Variants in SPOCK3 observed in about 807,000 individuals in gnomAD.
SPOCK3 encodes testican-3.
In SPOCK3, 30 loss-of-function variants were observed where a neutral mutation model predicts 56.6. That is an observed-to-expected ratio of 0.53 (90% CI 0.40 to 0.72). The LOEUF (loss-of-function observed/expected upper bound fraction) is 0.72. Among genes scored for constraint, SPOCK3 ranks in the 30% least tolerant of loss-of-function variants. The probability of loss-of-function intolerance (pLI) is 0.00; values close to 1 mark genes in which losing one functional copy is unlikely to be tolerated. For missense variants in SPOCK3, 527 were observed against 530.0 expected, an observed-to-expected ratio of 0.99 and a Z score of 0.06; for synonymous variants, 196 against 183.3, an observed-to-expected ratio of 1.07 and a Z score of -0.56.
chr4:167,050,917 T>C (rs1164510897), intron 3 of SPOCK3, among the ~76,000 whole-genome samples: 1 of 152,100 alleles, frequency 6.6e-6, no homozygotes, highest in East Asian at 1.9e-4. Flanking sequence ...AGAGTTATTG[T>C]CTAATGCATG....
At chr4:166,842,389 T>C (rs1747526837) in intron 6 of SPOCK3, among the ~76,000 whole-genome samples, 5 of 152,174 alleles carry the variant, frequency 3.3e-5, no homozygotes, top group Admixed American at 3.3e-4. Context: ...TTGGTGCATT[T>C]ACAATCCCTA....
rs143966219 is a variant in SPOCK3, at chr4:166,819,207, G to T, written c.590-26918C>A. Among the ~76,000 whole-genome samples, 568 of 152,120 alleles carry T rather than the reference G, an allele frequency of 3.7e-3. 2 individuals are homozygous for T. The highest frequency in any genetic ancestry group is 0.013 in the African/African-American group (540 of 41,548). On this transcript the variant is annotated intron_variant, in intron 6 of 10. Transcript: ENST00000357545. ...GAAAAATGCTCAAAAAACTAGGAAT[G>T]AGAGGGAGCTTCCTCAATCTGACAA... is the stretch of plus-strand genomic sequence containing the variant.
intron 6 of SPOCK3, chr4:166,882,888 T>C (rs1733818230): frequency 6.6e-6 from 1 of 152,216 alleles, no homozygotes; most frequent in African/African-American, 2.4e-5. Flanking sequence ...TTAATTTTTA[T>C]TATAAATAAT....
intron 7 of SPOCK3, among the ~76,000 whole-genome samples, chr4:166,778,806 G>T (rs1390289677): frequency 6.6e-6 from 1 of 151,910 alleles, no homozygotes; most frequent in East Asian, 1.9e-4. Flanking sequence ...GAGGAAGGAG[G>T]TTATGTGTAG....
chr4:166,889,567 G>A (rs375937252), intron 5 of SPOCK3, among the ~76,000 whole-genome samples: 65 of 151,974 alleles, frequency 4.3e-4, no homozygotes, highest in African/African-American at 1.4e-3. Context: ...ATGGAGAGAC[G>A]CATGACATAG....
intron 2 of SPOCK3, among the ~76,000 whole-genome samples, chr4:167,168,833 T>C (rs997655119): frequency 6.6e-6 from 1 of 151,832 alleles, no homozygotes; most frequent in African/African-American, 2.4e-5. Flanking sequence ...CCCAGAGGCA[T>C]AGGAGAAAAA....
At chr4:166,932,600 GT>G (rs1451503386) in intron 4 of SPOCK3, among the ~76,000 whole-genome samples, 6 of 152,056 alleles carry the variant, frequency 3.9e-5, no homozygotes, top group Non-Finnish European at 7.4e-5. Context: ...GGAGATTTTT[GT>G]TGCTAAAAAT....
At chr4:166,879,606 T>G (rs1733479489) in intron 6 of SPOCK3, among the ~76,000 whole-genome samples, 1 of 152,206 alleles carries the variant, frequency 6.6e-6, no homozygotes, top group African/African-American at 2.4e-5. Context: ...AGATAAATGT[T>G]ATTTTCACCA....
intron 2 of SPOCK3, among the ~76,000 whole-genome samples, chr4:167,143,254 T>C (rs1006797627): frequency 6.6e-6 from 1 of 151,956 alleles, no homozygotes; most frequent in East Asian, 1.9e-4. Flanking sequence ...ATAGGCAAAC[T>C]GAAAGAGGTG....
chr4:166,898,301 G>A (rs1007702562), intron 5 of SPOCK3, among the ~76,000 whole-genome samples: 5 of 152,120 alleles, frequency 3.3e-5, no homozygotes, highest in African/African-American at 1.2e-4. Flanking sequence ...CTGGGCAGGG[G>A]GAGGAAGGGT....
At chr4:166,741,905 C>A in intron 9 of SPOCK3, 92 bp downstream of exon 9, 2 of 939,956 alleles carry the variant, frequency 2.1e-6, no homozygotes, top group Admixed American at 2.1e-5. Flanking sequence ...TGCAGTCTAT[C>A]TTTGTTGGAT....
chr4:166,913,620 T>C (rs1354776623), intron 4 of SPOCK3, among the ~76,000 whole-genome samples: 1 of 152,216 alleles, frequency 6.6e-6, no homozygotes, highest in Non-Finnish European at 1.5e-5. Context: ...TTTTTGCTTT[T>C]TGTTTTCTTT....
chr4:167,071,960 T>C (rs920195976), intron 2 of SPOCK3, among the ~76,000 whole-genome samples: 2 of 152,064 alleles, frequency 1.3e-5, no homozygotes, highest in African/African-American at 4.8e-5. Flanking sequence ...AACTTTTAAA[T>C]ATTAAGAATT....
chr4:167,026,437 C>A (rs1751703306), intron 3 of SPOCK3, among the ~76,000 whole-genome samples: 1 of 152,006 alleles, frequency 6.6e-6, no homozygotes, highest in East Asian at 1.9e-4. Flanking sequence ...AAACACTCTG[C>A]AATTTTCTGC....
intron 4 of SPOCK3, among the ~76,000 whole-genome samples, chr4:166,913,531 T>C (rs979026275): frequency 7.9e-5 from 12 of 152,320 alleles, no homozygotes; most frequent in Non-Finnish European, 1.8e-4. Flanking sequence ...TATTCATTTA[T>C]TACAACTGCT....
chr4:167,159,843 C>A (rs1195134059), intron 2 of SPOCK3, among the ~76,000 whole-genome samples: 1 of 152,128 alleles, frequency 6.6e-6, no homozygotes, highest in Non-Finnish European at 1.5e-5. Context: ...TTCAACATCC[C>A]TTCATGCTAA....
chr4:166,928,887 G>T (rs149160731), intron 4 of SPOCK3, among the ~76,000 whole-genome samples: 180 of 152,274 alleles, frequency 1.2e-3, no homozygotes, highest in African/African-American at 4.1e-3. Context: ...AGAATCGCTT[G>T]AACTCAGGAG....
chr4:167,004,884 G>A (rs1749314653), intron 3 of SPOCK3, among the ~76,000 whole-genome samples: 1 of 152,110 alleles, frequency 6.6e-6, no homozygotes, highest in African/African-American at 2.4e-5. Context: ...AATGCCTGTG[G>A]TGACATCCAG....
chr4:167,176,462 T>C (rs1730992012), intron 2 of SPOCK3, among the ~76,000 whole-genome samples: 1 of 152,142 alleles, frequency 6.6e-6, no homozygotes, highest in African/African-American at 2.4e-5. Flanking sequence ...TGCCCATTTT[T>C]ACCTGAGAAT....
Sources: gnomAD v4.1 joint callset for allele counts (sites outside exome capture counted in the v4.1 genomes callset) on GRCh38, gnomAD v4.1.1 for gene constraint, MANE v1.5 for transcripts, NCBI Gene and HGNC (gene_info 2026-07-23, HGNC 2026-07-21) for gene names.